Variants in DYRK1A observed in about 807,000 individuals in gnomAD.
The protein encoded by DYRK1A is dual specificity tyrosine phosphorylation regulated kinase 1A.
Under a neutral mutation model 79.7 loss-of-function variants are expected in DYRK1A, and 9 were observed. That is an observed-to-expected ratio of 0.11 (90% CI 0.07 to 0.20). The LOEUF (loss-of-function observed/expected upper bound fraction) is 0.20. Among genes scored for constraint, DYRK1A ranks in the 10% least tolerant of loss-of-function variants. DYRK1A has a pLI of 1.00. For missense variants in DYRK1A, 622 were observed against 956.0 expected (o/e 0.65, Z 4.61); for synonymous variants, 349 against 329.7 (o/e 1.06, Z -0.63).
rs1218036976 is a variant in DYRK1A, at chr21:37,512,180, G to C, written c.1914G>C (p.Glu638Asp). Residue 638 changes from glutamate to aspartate, a missense_variant, in exon 12 of 12, where the codon GAG becomes GAC. Physicochemically the swap from Glu to Asp is conservative, Grantham distance 45. Coordinates refer to ENST00000647188, the MANE Select transcript of DYRK1A (RefSeq NM_001347721.2). ...GCTCCTCTACCCAAGATTCTATGGAGGTTGGCCACAGTCACCACTCCATGA... is the reference window on the plus strand; with the variant it reads ...GCTCCTCTACCCAAGATTCTATGGACGTTGGCCACAGTCACCACTCCATGA... The part of the protein sequence containing the change: ...TNSSSTQDSM[E>D]VGHSHHSMTS... 1 of 1,614,174 alleles carries C rather than the reference G, an allele frequency of 6.2e-7. No homozygotes were observed. The highest frequency in any genetic ancestry group is 8.5e-7 in the Non-Finnish European group (1 of 1,180,032).
chr21:37,428,197 C>A (rs1426463512), intron 2 of DYRK1A, among the ~76,000 whole-genome samples: 1 of 152,144 alleles, frequency 6.6e-6, no homozygotes, highest in African/African-American at 2.4e-5. Context: ...CTTACTGTTA[C>A]TTATTGCTGG....
intron 2 of DYRK1A, among the ~76,000 whole-genome samples, chr21:37,449,811 A>G (rs927612694): frequency 2.6e-5 from 4 of 152,090 alleles, no homozygotes. Context: ...CGCATTCTTC[A>G]TTTACTTTCA....
intron 1 of DYRK1A, among the ~76,000 whole-genome samples, chr21:37,375,486 T>A (rs1302397871): frequency 6.6e-6 from 1 of 151,758 alleles, no homozygotes; most frequent in Admixed American, 6.6e-5. Context: ...TAGTTTAAAA[T>A]TTTAAAATTA....
chr21:37,374,355 C>T (rs1420738890), intron 1 of DYRK1A, among the ~76,000 whole-genome samples: 3 of 148,892 alleles, frequency 2.0e-5, no homozygotes, highest in African/African-American at 5.0e-5. Flanking sequence ...TAGTATGTTC[C>T]TCTTGAATTC....
intron 2 of DYRK1A, among the ~76,000 whole-genome samples, chr21:37,457,333 A>G (rs967845449): frequency 2.0e-5 from 3 of 152,140 alleles, no homozygotes; most frequent in Non-Finnish European, 4.4e-5. Context: ...CCCGGGTTCA[A>G]GCTATTCTCC....
chr21:37,412,322 G>A (rs7281326), intron 1 of DYRK1A, among the ~76,000 whole-genome samples: 20,993 of 152,228 alleles, frequency 0.14, 1,572 homozygotes, highest in Middle Eastern at 0.16. Flanking sequence ...TGAAAGTTCT[G>A]TGTCTCAGAA....
At chr21:37,444,349 C>T (rs531871440) in intron 2 of DYRK1A, among the ~76,000 whole-genome samples, 2 of 152,144 alleles carry the variant, frequency 1.3e-5, no homozygotes, top group Non-Finnish European at 2.9e-5. Context: ...TAAGAAAGAT[C>T]AGTAACTGCA....
intron 2 of DYRK1A, among the ~76,000 whole-genome samples, chr21:37,463,546 G>T (rs886194429): frequency 2.0e-5 from 3 of 152,022 alleles, no homozygotes; most frequent in Non-Finnish European, 4.4e-5. Flanking sequence ...CTTACCTCCC[G>T]TGCAGTCCCC....
chr21:37,388,978 G>A (rs1202211200), intron 1 of DYRK1A, among the ~76,000 whole-genome samples: 2 of 148,596 alleles, frequency 1.3e-5, no homozygotes, highest in Non-Finnish European at 3.0e-5. Flanking sequence ...TTTTGAGGTG[G>A]AATCTCATTC....
chr21:37,523,860 T>C lies in DYRK1A; in HGVS notation c.*11329T>C, dbSNP rs1286590402. The C allele has an allele frequency of 6.6e-6, 1 of 152,200 alleles. No homozygotes were observed. The highest frequency in any genetic ancestry group is 1.5e-5 in the Non-Finnish European group (1 of 68,030). The allele number at this position is 152,200 out of a possible 1,614,324, so 9.4% of individuals were successfully genotyped here. A position where few individuals can be genotyped will look rare whatever the true frequency, so the allele number is the denominator to read the frequency against. ...CCACTTTGGTGCTACTGTGGCAGAATTGAGTAGTTGCTGCAGAGACCGTAT... is the reference window on the plus strand; with the variant it reads ...CCACTTTGGTGCTACTGTGGCAGAACTGAGTAGTTGCTGCAGAGACCGTAT... On this transcript the variant is annotated 3_prime_UTR_variant, in exon 12 of 12. Coordinates refer to ENST00000647188, the MANE Select transcript of DYRK1A (RefSeq NM_001347721.2).
intron 8 of DYRK1A, 107 bp from the exon 9 acceptor site, chr21:37,496,011 C>T: frequency 3.7e-6 from 4 of 1,079,790 alleles, no homozygotes; most frequent in South Asian, 1.6e-5. Context: ...TAGAGGAGTG[C>T]CAGACACACA....
At chr21:37,480,206 C>G (rs1333827243) in intron 4 of DYRK1A, among the ~76,000 whole-genome samples, 1 of 151,838 alleles carries the variant, frequency 6.6e-6, no homozygotes, top group Non-Finnish European at 1.5e-5. Context: ...CCTTTATATC[C>G]CAAATATAAA....
intron 1 of DYRK1A, among the ~76,000 whole-genome samples, chr21:37,416,317 CTTTTT>C (rs775621138): frequency 2.0e-5 from 2 of 98,152 alleles, no homozygotes; most frequent in African/African-American, 3.9e-5. Flanking sequence ...GTGTTTTGGC[CTTTTT>C]TTTTTTTTTT....
intron 2 of DYRK1A, among the ~76,000 whole-genome samples, chr21:37,468,179 A>G (rs944052811): frequency 1.3e-5 from 2 of 152,088 alleles, no homozygotes; most frequent in African/African-American, 2.4e-5. Flanking sequence ...TGGCACAATC[A>G]TAACTCACTG....
In DYRK1A at chr21:37,516,993, C is replaced by T. The variant is rs1387612760; in HGVS notation, c.*4462C>T. On this transcript the variant is annotated 3_prime_UTR_variant, in exon 12 of 12. Transcript: ENST00000647188. ...CATCTTTAGGGTATGTCCCTGTTAT[C>T]AGGTGTGGAATTAATGTGGGTAAAT... 1 of 152,152 alleles carries T rather than the reference C, an allele frequency of 6.6e-6. No homozygotes were observed. Among genetic ancestry groups the T allele is most frequent in the African/African-American group, 2.4e-5 (1 of 41,416 alleles). The allele number at this position is 152,152 out of a possible 1,614,324, so 9.4% of individuals were successfully genotyped here. A position where few individuals can be genotyped will look rare whatever the true frequency, so the allele number is the denominator to read the frequency against.
At chr21:37,441,377 G>T (rs1019227357) in intron 2 of DYRK1A, among the ~76,000 whole-genome samples, 7 of 151,966 alleles carry the variant, frequency 4.6e-5, no homozygotes, top group Admixed American at 2.6e-4. Context: ...GATCATTTGT[G>T]TTTAATGTGA....
At chr21:37,402,223 T>C (rs1422798819) in intron 1 of DYRK1A, among the ~76,000 whole-genome samples, 2 of 152,254 alleles carry the variant, frequency 1.3e-5, no homozygotes, top group African/African-American at 2.4e-5. Context: ...ATGAAAACTT[T>C]GTTTCCATTT....
At chr21:37,506,355 G>GT in intron 11 of DYRK1A, 132 bp downstream of exon 11, 3 of 1,566,798 alleles carry the variant, frequency 1.9e-6, no homozygotes, top group Non-Finnish European at 2.6e-6. Context: ...CTAAGGAAAT[G>GT]TAAGTATTTA....
chr21:37,395,847 C>T (rs180899230), intron 1 of DYRK1A, among the ~76,000 whole-genome samples: 97 of 152,088 alleles, frequency 6.4e-4, no homozygotes, highest in African/African-American at 1.9e-3. Flanking sequence ...TGAATAAAGC[C>T]CTGTTAGGAT....
Sources: allele counts gnomAD v4.1 joint callset (sites outside exome capture counted in the v4.1 genomes callset), GRCh38; gene constraint gnomAD v4.1.1; transcripts MANE v1.5; gene names NCBI Gene and HGNC (gene_info 2026-07-23, HGNC 2026-07-21).